Variants in SOBP observed in about 807,000 individuals in gnomAD.
SOBP encodes the protein sine oculis-binding protein homolog.
Under a neutral mutation model 53.6 loss-of-function variants are expected in SOBP, and 4 were observed. That is an observed-to-expected ratio of 0.07 (90% CI 0.04 to 0.17). The LOEUF (loss-of-function observed/expected upper bound fraction) is 0.17, where lower values mean the gene tolerates loss of function less well. SOBP is among the 10% of genes least tolerant of loss of function. SOBP has a pLI of 1.00. For synonymous variants in SOBP, 584 were observed against 522.6 expected, an observed-to-expected ratio of 1.12 and a Z score of -1.60; for missense variants, 1,088 against 1,204.7, an observed-to-expected ratio of 0.90 and a Z score of 1.43.
At chr6:107,642,520 A>C (rs1771374370) in intron 6 of SOBP, among the ~76,000 whole-genome samples, 2 of 152,236 alleles carry the variant, frequency 1.3e-5, no homozygotes, top group South Asian at 4.1e-4. Flanking sequence ...TAAGCAAAAA[A>C]TGCTTGTGCA....
intron 5 of SOBP, chr6:107,621,082 G>A (rs746457564): frequency 2.0e-5 from 13 of 654,604 alleles, no homozygotes; most frequent in Admixed American, 6.3e-5. Context: ...CTGGCTGCTT[G>A]TCTGTTTACA....
At chr6:107,517,283 C>T (rs1180833449) in intron 3 of SOBP, among the ~76,000 whole-genome samples, 1 of 152,178 alleles carries the variant, frequency 6.6e-6, no homozygotes, top group Non-Finnish European at 1.5e-5. Context: ...GCTTAAACAA[C>T]CAAAATTTAT....
At position 107,660,770 on chromosome 6, in the gene SOBP, A is replaced by G. The variant is rs1440466913; in HGVS notation, c.*2567A>G. 6.6e-6 allele frequency among the ~76,000 whole-genome samples: 1 copy of G among 152,140 alleles called. No homozygotes were observed. Among genetic ancestry groups the G allele is most frequent in the African/African-American group, 2.4e-5 (1 of 41,416 alleles). Reference sequence around the variant, plus strand: ...GAAAAAACAGAAGCCTAGAAAAGCAACTCGACCTGTTCAGAGTCTCGCACT... The same window carrying G: ...GAAAAAACAGAAGCCTAGAAAAGCAGCTCGACCTGTTCAGAGTCTCGCACT... On this transcript the variant is annotated 3_prime_UTR_variant, in exon 7 of 7. Transcript: ENST00000317357.
intron 6 of SOBP, among the ~76,000 whole-genome samples, chr6:107,643,771 C>T (rs1771431931): frequency 6.6e-6 from 1 of 152,122 alleles, no homozygotes; most frequent in Admixed American, 6.5e-5. Flanking sequence ...CACTAGAATA[C>T]TATAATTGAG....
intron 3 of SOBP, among the ~76,000 whole-genome samples, chr6:107,511,063 G>A (rs1234280716): frequency 6.6e-6 from 1 of 151,822 alleles, no homozygotes; most frequent in Non-Finnish European, 1.5e-5. Context: ...TATAACTCTG[G>A]GAAATAGCAT....
At position 107,635,330 on chromosome 6, in the gene SOBP, A is replaced by G. The variant is rs1207775652; in HGVS notation, c.2486A>G (p.Gln829Arg). 1 of 1,613,498 alleles carries G rather than the reference A, an allele frequency of 6.2e-7. No homozygotes were observed. The highest frequency in any genetic ancestry group is 1.3e-5 in the African/African-American group (1 of 74,922). ...CTGCCCAAGACCGGCTGCGTGATCC[A>G]GCCTGTGCCAAAACCCGCGGAGAAG... ...RMLPKTGCVI[Q>R]PVPKPAEKAA... The change falls in exon 6 of 7, where the codon CAG (glutamine) becomes CGG (arginine). Residue 829 changes from glutamine (Q) to arginine (R), a missense_variant. Transcript: ENST00000317357. The surrounding 1 kb of genome is among the most constrained non-coding windows in gnomAD (Gnocchi z 4.5).
At chr6:107,610,796 G>GCACACACA (rs150127640) in intron 5 of SOBP, among the ~76,000 whole-genome samples, 1 of 148,944 alleles carries the variant, frequency 6.7e-6, no homozygotes, top group African/African-American at 2.5e-5. Flanking sequence ...GTGTGCACAC[G>GCACACACA]CACACACACA....
chr6:107,633,478 T>C (rs1770808793), intron 5 of SOBP, 36 bp from the exon 6 acceptor site: 1 of 1,613,778 alleles, frequency 6.2e-7, no homozygotes, highest in Non-Finnish European at 8.5e-7. Flanking sequence ...AAATTGCTTG[T>C]CTTACCTGTT....
Position 107,637,574 on chromosome 6 carries a change from A to G in SOBP, c.*3+2105A>G, listed in dbSNP as rs1039760703. ...TAATCTGGTTGACAAAGCTGTGAGTAATGGGAAGATGTGTGACAAAAAAAG... is the reference window on the plus strand; with the variant it reads ...TAATCTGGTTGACAAAGCTGTGAGTGATGGGAAGATGTGTGACAAAAAAAG... On this transcript the variant is annotated intron_variant, in intron 6 of 6. Coordinates refer to ENST00000317357, the MANE Select transcript of SOBP (RefSeq NM_018013.4). 7.9e-5 allele frequency among the ~76,000 whole-genome samples: 12 copies of G among 152,340 alleles called. No homozygotes were observed. In the East Asian group the frequency reaches 1.7e-3, roughly 22 times the overall value.
At position 107,656,309 on chromosome 6, in the gene SOBP, A is replaced by AAGACAGAAAGAC. The variant is rs1465160246; in HGVS notation, c.*4-1895_*4-1894insCAGAAAGACAGA. Among the ~76,000 whole-genome samples the AAGACAGAAAGAC allele has an allele frequency of 3.0e-3, 59 of 19,684 alleles. No homozygotes were observed. The South Asian group carries it at 0.032, about 11-fold the overall frequency. The allele number at this position is 19,684 out of a possible 152,430, so 12.9% of individuals were successfully genotyped here. ...AAGAAAAGAAAGAAAGAAAGAAAGA[A>AAGACAGAAAGAC]AGAAAGAAAGAAAGAAAGAAAGAAA... On this transcript the variant is annotated intron_variant, in intron 6 of 6. Transcript: ENST00000317357.
chr6:107,601,645 G>A (rs559186455), intron 5 of SOBP, among the ~76,000 whole-genome samples: 1 of 152,094 alleles, frequency 6.6e-6, no homozygotes, highest in African/African-American at 2.4e-5. Flanking sequence ...TCCTCTCTCT[G>A]TGTGTGATTT....
chr6:107,518,739 T>C (rs963726523), intron 3 of SOBP, among the ~76,000 whole-genome samples: 1 of 133,820 alleles, frequency 7.5e-6, no homozygotes, highest in Non-Finnish European at 1.6e-5. Flanking sequence ...GTGCACAATT[T>C]AGGAAAGGCT....
chr6:107,616,389 T>C (rs62428431), intron 5 of SOBP, among the ~76,000 whole-genome samples: 2,705 of 152,324 alleles, frequency 0.018, 32 homozygotes, highest in Non-Finnish European at 0.025. Context: ...ATTTTGCATA[T>C]GCCATTGATA....
At chr6:107,638,644 G>T (rs1022041950) in intron 6 of SOBP, among the ~76,000 whole-genome samples, 1 of 152,174 alleles carries the variant, frequency 6.6e-6, no homozygotes, top group African/African-American at 2.4e-5. Context: ...GTGCCCTGAT[G>T]CTGAACACTG....
chr6:107,585,548 G>T (rs59896528), intron 4 of SOBP, among the ~76,000 whole-genome samples: 1,574 of 152,160 alleles, frequency 0.01, 30 homozygotes, highest in African/African-American at 0.036. Flanking sequence ...TTTCTCTGTC[G>T]CATATAGCCA....
At chr6:107,509,720 A>T (rs1269069425) in intron 3 of SOBP, 3 of 152,220 alleles carry the variant, frequency 2.0e-5, no homozygotes, top group Non-Finnish European at 1.5e-5. Flanking sequence ...CAGATCAGGA[A>T]ATAAATATGC....
chr6:107,576,349 T>C lies in SOBP; in HGVS notation c.574-10731T>C, dbSNP rs117452813. On this transcript the variant is annotated intron_variant, in intron 4 of 6. Coordinates refer to ENST00000317357, the MANE Select transcript of SOBP (RefSeq NM_018013.4). ...CTTTCTCCTTCATGTTCAGGCTGAT[T>C]TTAGATCTTTACATATATAATACTC... Among the ~76,000 whole-genome samples the C allele has an allele frequency of 2.9e-4, 44 of 152,352 alleles. No individual in the cohort carries two copies. In the East Asian group the frequency reaches 7.3e-3, roughly 25 times the overall value.
intron 5 of SOBP, among the ~76,000 whole-genome samples, chr6:107,631,165 T>A (rs1220437671): frequency 6.6e-6 from 1 of 152,172 alleles, no homozygotes; most frequent in Non-Finnish European, 1.5e-5. Context: ...TCTGGCAATT[T>A]AAAAACCAAT....
chr6:107,645,814 G>A (rs556609486), intron 6 of SOBP, among the ~76,000 whole-genome samples: 67 of 152,306 alleles, frequency 4.4e-4, no homozygotes, highest in Middle Eastern at 3.4e-3. Flanking sequence ...GTGGGCTGGC[G>A]ATCAGGGGTG....
Sources: gnomAD v4.1 joint callset for allele counts (sites outside exome capture counted in the v4.1 genomes callset) on GRCh38, gnomAD v4.1.1 for gene constraint, Gnocchi (gnomAD v3.1) non-coding constraint, MANE v1.5 for transcripts, NCBI Gene and HGNC (gene_info 2026-07-23, HGNC 2026-07-21) for gene names.